The following RIPOR1 variants were observed in gnomAD, a reference collection of about 807,000 sequenced individuals.
The protein encoded by RIPOR1 is RHO family interacting cell polarization regulator 1, also known as rho family-interacting cell polarization regulator 1.
Under a neutral mutation model 116.5 loss-of-function variants are expected in RIPOR1, and 58 were observed. That is an observed-to-expected ratio of 0.50 (90% CI 0.40 to 0.62). The LOEUF is 0.62. RIPOR1 is among the 20% of genes least tolerant of loss of function. RIPOR1 has a pLI of 0.00. For synonymous variants in RIPOR1, 605 were observed against 650.0 expected, an observed-to-expected ratio of 0.93 and a Z score of 1.05; for missense variants, 1,372 against 1,586.2, an observed-to-expected ratio of 0.86 and a Z score of 2.29.
intron 4 of RIPOR1, chr16:67,539,279 T>C: frequency 1.8e-6 from 1 of 559,722 alleles, no homozygotes; most frequent in Non-Finnish European, 3.2e-6. Flanking sequence ...CTCCAGGAGC[T>C]TCCAGTGGGG....
Position 67,544,527 on chromosome 16 carries a change from C to A in RIPOR1, c.2733+96C>A. On this transcript the variant is annotated intron_variant, in intron 15 of 21. Transcript: ENST00000042381. The surrounding 1 kb of genome is among the most constrained non-coding windows in gnomAD (Gnocchi z 5.1). Reference sequence around the variant, plus strand: ...TGGTCCTCTATACCTCCTCTGAGTGCCACACCCCAGTGCCCCAGGGCCCTT... The same window carrying A: ...TGGTCCTCTATACCTCCTCTGAGTGACACACCCCAGTGCCCCAGGGCCCTT... 6.5e-7 allele frequency: 1 copy of A among 1,537,262 alleles called. No individual in the cohort carries two copies. Among genetic ancestry groups the A allele is most frequent in the Non-Finnish European group, 8.8e-7 (1 of 1,135,392 alleles).
chr16:67,544,404 C>T lies in RIPOR1; in HGVS notation c.2706C>T (p.His902=). 6.2e-7 allele frequency: 1 copy of T among 1,612,368 alleles called. No individual in the cohort carries two copies. Among genetic ancestry groups the T allele is most frequent in the African/African-American group, 1.3e-5 (1 of 75,002 alleles). ...CTCTGGATGCTGCCTTGGTCCGGCACCTGTACCACTGCAGTCGCCTCCTGC... is the reference window on the plus strand; with the variant it reads ...CTCTGGATGCTGCCTTGGTCCGGCATCTGTACCACTGCAGTCGCCTCCTGC... The part of the protein sequence containing the change: ...CPALDAALVR[H]LYHCSRLLLK... Residue 902 remains histidine (H), a synonymous_variant, in exon 15 of 22, where the codon CAC becomes CAT. Coordinates refer to ENST00000042381, the MANE Select transcript of RIPOR1 (RefSeq NM_024519.4). The surrounding 1 kb of genome is among the most constrained non-coding windows in gnomAD (Gnocchi z 5.1).
rs900688545 is a variant in RIPOR1, at chr16:67,542,709, A to G, written c.1923A>G (p.Thr641=). 8 of 1,613,488 alleles carry G rather than the reference A, an allele frequency of 5.0e-6. No homozygotes were observed. Among genetic ancestry groups the G allele is most frequent in the Non-Finnish European group, 6.8e-6 (8 of 1,179,858 alleles). Residue 641 remains threonine (T), a synonymous_variant, in exon 13 of 22, where the codon ACA becomes ACG. Coordinates refer to ENST00000042381, the MANE Select transcript of RIPOR1 (RefSeq NM_024519.4). The surrounding 1 kb of genome is among the most constrained non-coding windows in gnomAD (Gnocchi z 4.6). The part of the protein sequence containing the change: ...HKTSMSPPTT[T]SPTPSGMGLV... ...CCAGTATGTCACCTCCCACCACTACAAGTCCTACCCCCAGTGGTATGGGCC... is the reference window on the plus strand; with the variant it reads ...CCAGTATGTCACCTCCCACCACTACGAGTCCTACCCCCAGTGGTATGGGCC...
intron 1 of RIPOR1, 66 bp downstream of exon 1, chr16:67,528,980 C>T (rs910515209): frequency 3.8e-4 from 65 of 171,096 alleles, no homozygotes; most frequent in East Asian, 2.1e-3. Context: ...GGTTCTGGTG[C>T]CCCCCCGCCG....
rs201779150 is a variant in RIPOR1, at chr16:67,541,687, T to G, written c.985T>G (p.Ser329Ala). ...FDKDDQPSAA[S>A]SVNKASTVTK... The stretch of plus-strand genomic sequence containing the variant: ...CAAGGATGACCAGCCCTCAGCTGCT[T>G]CTTCTGTCAACAAGGCCTCCACAGT... The change falls in exon 12 of 22, where the codon TCT becomes GCT. Residue 329 changes from serine (S) to alanine (A), a missense_variant. Ser to Ala is a moderately conservative substitution (Grantham distance 99). Around this residue, in one of 3 missense-constraint regions of RIPOR1, gnomAD observed 202 missense variants for 295.9 expected, o/e 0.68. Transcript: ENST00000042381. This position sits in a 1 kb window ranked among gnomAD's most constrained non-coding sequence, Gnocchi z 4.6. 1.6e-4 allele frequency: 256 copies of G among 1,613,990 alleles called. 4 individuals are homozygous for G. Among genetic ancestry groups the G allele is most frequent in the South Asian group, 1.6e-3 (143 of 91,076 alleles).
In RIPOR1 at chr16:67,538,774, G is replaced by A. The variant is rs779284604; in HGVS notation, c.207G>A (p.Pro69=). ...TGGCTCACCCAGCCGCCAAGGTGCC[G>A]CAGCCCGAGCGGCTGGACCTGGTGT... ...FSVAHPAAKV[P]QPERLDLVYT... The change falls in exon 3 of 22, where the codon CCG becomes CCA. Residue 69 remains proline (P), a synonymous_variant. Transcript: ENST00000042381. 6 of 1,613,366 alleles carry A rather than the reference G, an allele frequency of 3.7e-6. No individual in the cohort carries two copies. The African/African-American group carries it at 8.0e-5, about 22-fold the overall frequency.
intron 1 of RIPOR1, among the ~76,000 whole-genome samples, chr16:67,523,263 G>A (rs1451108376): frequency 3.3e-5 from 5 of 152,032 alleles, no homozygotes; most frequent in Admixed American, 2.6e-4. Context: ...CTCTGTCCCT[G>A]ATTAAACAAG....
chr16:67,546,248 G>T lies in RIPOR1; in HGVS notation c.3562+17G>T. On this transcript the variant is annotated intron_variant, in intron 21 of 21. Coordinates refer to ENST00000042381, the MANE Select transcript of RIPOR1 (RefSeq NM_024519.4). ...AGCAGTGTGGTGAGGCTGGGGGATG[G>T]AAGAGATGGGTGGAGTTCTGGGACA... 6.2e-7 allele frequency: 1 copy of T among 1,613,728 alleles called. No homozygotes were observed. The highest frequency in any genetic ancestry group is 8.5e-7 in the Non-Finnish European group (1 of 1,179,738).
At chr16:67,526,564 G>A (rs1248045101), upstream of RIPOR1, among the ~76,000 whole-genome samples, 1 of 152,186 alleles carries the variant, frequency 6.6e-6, no homozygotes, top group African/African-American at 2.4e-5. Context: ...GCATTTACAC[G>A]TTCAGTTACT....
rs767949905 is a variant in RIPOR1, at chr16:67,539,874, G to C, written c.389G>C (p.Arg130Pro). The C allele has an allele frequency of 3.7e-6, 6 of 1,614,176 alleles. No homozygotes were observed. Among genetic ancestry groups the C allele is most frequent in the Non-Finnish European group, 5.1e-6 (6 of 1,180,034 alleles). The stretch of plus-strand genomic sequence containing the variant: ...GTCAAGTCCATTGAACGCTTCCTGC[G>C]ACGACTGGAGTTCCATGCCAGCAAG... Reference protein sequence around the residue: ...KQVKSIERFLRRLEFHASKID... With the variant: ...KQVKSIERFLPRLEFHASKID... The change falls in exon 6 of 22, where the codon CGA (arginine) becomes CCA (proline). Residue 130 changes from arginine to proline, a missense_variant. Around this residue, in one of 3 missense-constraint regions of RIPOR1, gnomAD observed 202 missense variants for 295.9 expected, o/e 0.68. Transcript: ENST00000042381.
In RIPOR1 at chr16:67,545,728, G is replaced by A. The variant is rs199936066; in HGVS notation, c.3255G>A (p.Ala1085=). 2.9e-5 allele frequency: 46 copies of A among 1,600,598 alleles called. No homozygotes were observed. Among genetic ancestry groups the A allele is most frequent in the Non-Finnish European group, 3.7e-5 (44 of 1,174,090 alleles). Residue 1085 remains alanine, a synonymous_variant, in exon 19 of 22, where the codon GCG becomes GCA. Transcript: ENST00000042381. The surrounding 1 kb of genome is among the most constrained non-coding windows in gnomAD (Gnocchi z 4.8). ...TTGTGCTGAAGGCCCTGAGATTGGC[G>A]CCCGAGGGGCGTCTGCGAAGGGACG... is the stretch of plus-strand genomic sequence containing the variant. The part of the protein sequence containing the change: ...QAVVLKALRL[A]PEGRLRRDGL...
At position 67,538,625 on chromosome 16, in the gene RIPOR1, C is replaced by T. The variant is rs775964913; in HGVS notation, c.105-47C>T. The T allele has an allele frequency of 1.9e-6, 3 of 1,608,574 alleles. No individual in the cohort carries two copies. The East Asian group carries it at 6.7e-5, about 36-fold the overall frequency. The stretch of plus-strand genomic sequence containing the variant: ...GGGTCTGGGGGTGCGTAGTGAGAGT[C>T]TGGGGGACTCCTGCTCTCCTCTTTC... On this transcript the variant is annotated intron_variant, in intron 2 of 21. Transcript: ENST00000042381.
intron 1 of RIPOR1, 64 bp from the exon 2 acceptor site, chr16:67,538,360 C>T: frequency 1.3e-6 from 2 of 1,511,132 alleles, no homozygotes; most frequent in Non-Finnish European, 1.8e-6. Context: ...GCCCTGGATC[C>T]CGCTGCGTGG....
chr16:67,536,433 GA>G (rs371685277), intron 1 of RIPOR1, among the ~76,000 whole-genome samples: 1 of 150,936 alleles, frequency 6.6e-6, no homozygotes, highest in African/African-American at 2.4e-5. Flanking sequence ...GGGAGACACA[GA>G]AAAAAAAAGA....
rs1454856421 is a variant in RIPOR1 at position 67,530,145 on chromosome 16, G to C, written c.-24+1231G>C. The C allele has an allele frequency of 2.1e-6, 1 of 469,484 alleles. No individual in the cohort carries two copies. The highest frequency in any genetic ancestry group is 2.0e-5 in the African/African-American group (1 of 50,110). 29.1% of individuals were successfully genotyped at this position (469,484 alleles called of 1,614,324 possible). A position where few individuals can be genotyped will look rare whatever the true frequency, so the allele number is the denominator to read the frequency against. ...GGGTGAGGGGAGGACTCAGGACTCTGGGCTGGGTCCCGCTTGAGAGAAGCG... is the reference window on the plus strand; with the variant it reads ...GGGTGAGGGGAGGACTCAGGACTCTCGGCTGGGTCCCGCTTGAGAGAAGCG... On this transcript the variant is annotated intron_variant, in intron 1 of 21. Coordinates refer to ENST00000042381, the MANE Select transcript of RIPOR1 (RefSeq NM_024519.4). This position sits in a 1 kb window ranked among gnomAD's most constrained non-coding sequence, Gnocchi z 4.5.
upstream of RIPOR1, chr16:67,528,217 C>G (rs1392809557): frequency 2.0e-5 from 3 of 152,370 alleles, no homozygotes; most frequent in Non-Finnish European, 4.4e-5. Flanking sequence ...AACACATGGC[C>G]CTGTACCCGG....
Position 67,529,786 on chromosome 16 carries a change from G to C in RIPOR1, c.-24+872G>C. On this transcript the variant is annotated intron_variant, in intron 1 of 21. Transcript: ENST00000042381. This position sits in a 1 kb window ranked among gnomAD's most constrained non-coding sequence, Gnocchi z 4.1. Reference sequence around the variant, plus strand: ...GTCTGCGGGGCCGCGCCCTGGGCCTGCCGCATTCGGCCAACGCACAGCATC... The same window carrying C: ...GTCTGCGGGGCCGCGCCCTGGGCCTCCCGCATTCGGCCAACGCACAGCATC... 1 of 1,535,712 alleles carries C rather than the reference G, an allele frequency of 6.5e-7. No individual in the cohort carries two copies. Among genetic ancestry groups the C allele is most frequent in the East Asian group, 2.4e-5 (1 of 40,924 alleles).
In RIPOR1 at chr16:67,541,611, AGGAG is replaced by A; in HGVS notation, c.950+36_951-36del. 6.2e-7 allele frequency: 1 copy of A among 1,613,992 alleles called. No individual in the cohort carries two copies. Among genetic ancestry groups the A allele is most frequent in the Non-Finnish European group, 8.5e-7 (1 of 1,179,898 alleles). On this transcript the variant is annotated intron_variant, in intron 11 of 21. Transcript: ENST00000042381. This position sits in a 1 kb window ranked among gnomAD's most constrained non-coding sequence, Gnocchi z 4.6. Reference sequence around the variant, plus strand: ...GGGCTGAGAGGCTTGGAGGAGGGCCAGGAGGGCTGTGGCACCTGCCAACAGCCTC... The same window carrying A: ...GGGCTGAGAGGCTTGGAGGAGGGCCAGGCTGTGGCACCTGCCAACAGCCTC...
chr16:67,546,413 G>C lies in RIPOR1; in HGVS notation c.3610G>C (p.Ala1204Pro). The change falls in exon 22 of 22, where the codon GCC (alanine) becomes CCC (proline). Residue 1204 changes from alanine (A) to proline (P), a missense_variant. This residue lies in a region of RIPOR1 where 1,005 missense variants were observed against 1,144.7 expected (regional missense o/e 0.88). Coordinates refer to ENST00000042381, the MANE Select transcript of RIPOR1 (RefSeq NM_024519.4). ...AHRRLEESLDALPRIFGPGSM... is the reference protein window; with the variant it reads ...AHRRLEESLDPLPRIFGPGSM... ...TCGACGGCTGGAGGAGTCCCTGGAC[G>C]CCCTGCCCCGCATCTTTGGGCCTGG... 1 of 1,614,044 alleles carries C rather than the reference G, an allele frequency of 6.2e-7. No individual in the cohort carries two copies. The highest frequency in any genetic ancestry group is 8.5e-7 in the Non-Finnish European group (1 of 1,180,034).
Sources: gnomAD v4.1 joint callset for allele counts (sites outside exome capture counted in the v4.1 genomes callset) on GRCh38, gnomAD v4.1.1 for gene constraint, gnomAD v4.1.1 regional missense constraint, Gnocchi (gnomAD v3.1) non-coding constraint, MANE v1.5 for transcripts, NCBI Gene and HGNC (gene_info 2026-07-23, HGNC 2026-07-21) for gene names.